PGCKA1: variants seen among roughly 807,000 people sequenced by gnomAD.
PGCKA1 encodes the protein PDCD10 and GCKIII kinases associated 1, also known as PDCD10 and GCKIII kinases-associated protein 1.
the PGCKA1 span, among the ~76,000 whole-genome samples, chr4:37,568,629 T>G: frequency 6.6e-6 from 1 of 152,138 alleles, no homozygotes; most frequent in African/African-American, 2.4e-5. Context: ...CTGGGGTGAG[T>G]GTGGACGTAG....
the PGCKA1 span, among the ~76,000 whole-genome samples, chr4:37,538,633 A>T: frequency 6.6e-6 from 1 of 152,188 alleles, no homozygotes; most frequent in Non-Finnish European, 1.5e-5. Context: ...ACAGGTAATA[A>T]TTGCTGAACA....
chr4:37,512,215 C>T, the PGCKA1 span, among the ~76,000 whole-genome samples: 4 of 152,254 alleles, frequency 2.6e-5, no homozygotes, highest in African/African-American at 9.6e-5. Context: ...GTATTTGGTT[C>T]CTATGATGGT....
the PGCKA1 span, among the ~76,000 whole-genome samples, chr4:37,489,765 G>A: frequency 6.6e-6 from 1 of 152,236 alleles, no homozygotes; most frequent in South Asian, 2.1e-4. Flanking sequence ...CTAAACCAAT[G>A]ATTAGACTCC....
At chr4:37,512,487 C>T in the PGCKA1 span, among the ~76,000 whole-genome samples, 3 of 145,428 alleles carry the variant, frequency 2.1e-5, no homozygotes, top group Middle Eastern at 3.6e-3. Context: ...CAGAGTCTCA[C>T]TCTGGTGTCG....
At chr4:37,544,915 T>C in the PGCKA1 span, among the ~76,000 whole-genome samples, 3 of 151,886 alleles carry the variant, frequency 2.0e-5, no homozygotes, top group African/African-American at 7.3e-5. Context: ...TGGAGTGCAA[T>C]GGTATGATCT....
the PGCKA1 span, among the ~76,000 whole-genome samples, chr4:37,501,688 A>C: frequency 1.3e-5 from 2 of 152,200 alleles, no homozygotes; most frequent in Non-Finnish European, 2.9e-5. Flanking sequence ...CTTGTCTGAA[A>C]AAGGTTTCAA....
At chr4:37,555,407 G>A in the PGCKA1 span, among the ~76,000 whole-genome samples, 1 of 152,140 alleles carries the variant, frequency 6.6e-6, no homozygotes, top group Middle Eastern at 3.2e-3. Flanking sequence ...GAGACAGGAG[G>A]CCAGGAAACA....
the PGCKA1 span, among the ~76,000 whole-genome samples, chr4:37,548,612 G>A: frequency 2.0e-5 from 3 of 152,012 alleles, no homozygotes; most frequent in Non-Finnish European, 4.4e-5. Flanking sequence ...TGTCTACAAG[G>A]TTTTATTAAA....
the PGCKA1 span, among the ~76,000 whole-genome samples, chr4:37,580,043 T>C: frequency 1.3e-5 from 2 of 152,188 alleles, no homozygotes; most frequent in African/African-American, 4.8e-5. Context: ...TTCTGTTTGA[T>C]TAATTCTGCT....
the PGCKA1 span, among the ~76,000 whole-genome samples, chr4:37,493,778 A>T: frequency 6.6e-6 from 1 of 151,976 alleles, no homozygotes; most frequent in Non-Finnish European, 1.5e-5. Flanking sequence ...CTCTGTGTCC[A>T]TGAGTAGTTT....
At chr4:37,488,433 C>T in the PGCKA1 span, among the ~76,000 whole-genome samples, 8 of 152,150 alleles carry the variant, frequency 5.3e-5, no homozygotes, top group Admixed American at 1.3e-4. Flanking sequence ...AAAACCCAAA[C>T]GGCCTGCATT....
At chr4:37,563,727 C>T in the PGCKA1 span, among the ~76,000 whole-genome samples, 1 of 152,286 alleles carries the variant, frequency 6.6e-6, no homozygotes, top group Non-Finnish European at 1.5e-5. Flanking sequence ...CCTTACCAGA[C>T]TATATTATAT....
chr4:37,509,499 G>A, the PGCKA1 span, among the ~76,000 whole-genome samples: 3 of 150,732 alleles, frequency 2.0e-5, no homozygotes, highest in African/African-American at 4.9e-5. Flanking sequence ...GGGAAGAGGC[G>A]CTCCTCACTT....
chr4:37,509,458 C>CG, the PGCKA1 span, among the ~76,000 whole-genome samples: 3 of 142,658 alleles, frequency 2.1e-5, no homozygotes, highest in Non-Finnish European at 4.6e-5. Flanking sequence ...TGGGCAGAGA[C>CG]GCTCCTCACT....
chr4:37,547,770 G>A, the PGCKA1 span, among the ~76,000 whole-genome samples: 1 of 152,102 alleles, frequency 6.6e-6, no homozygotes, highest in Non-Finnish European at 1.5e-5. Context: ...CCAGCAGGGA[G>A]AAAAAGAGGC....
the PGCKA1 span, among the ~76,000 whole-genome samples, chr4:37,592,419 G>T: frequency 4.0e-5 from 6 of 150,476 alleles, no homozygotes; most frequent in African/African-American, 1.5e-4. Context: ...GAGCTGGTTT[G>T]CAGAGCCATA....
chr4:37,484,017 T>C, the PGCKA1 span, among the ~76,000 whole-genome samples: 1 of 152,186 alleles, frequency 6.6e-6, no homozygotes, highest in East Asian at 1.9e-4. Flanking sequence ...TGAAACACTC[T>C]TCCCACATAA....
the PGCKA1 span, among the ~76,000 whole-genome samples, chr4:37,534,235 G>A: frequency 1.3e-5 from 2 of 152,184 alleles, no homozygotes; most frequent in Non-Finnish European, 2.9e-5. Flanking sequence ...CCTGAAAGAT[G>A]AACCATAATA....
chr4:37,517,411 T>C, the PGCKA1 span, among the ~76,000 whole-genome samples: 1 of 151,922 alleles, frequency 6.6e-6, no homozygotes, highest in South Asian at 2.1e-4. Flanking sequence ...CCACAGATTA[T>C]TGGGGACTGT....
Sources: allele counts gnomAD v4.1 joint callset (sites outside exome capture counted in the v4.1 genomes callset), GRCh38; gene constraint gnomAD v4.1.1; transcripts MANE v1.5; gene names NCBI Gene and HGNC (gene_info 2026-07-23, HGNC 2026-07-21).